IL1RAPL1: variants seen among roughly 807,000 people sequenced by gnomAD.
The protein encoded by IL1RAPL1 is interleukin 1 receptor accessory protein like 1.
In IL1RAPL1, 3 loss-of-function variants were observed where a neutral mutation model predicts 48.4. The observed-to-expected ratio is 0.06, with a 90% CI of 0.03 to 0.16. IL1RAPL1 has a LOEUF of 0.16. IL1RAPL1 is among the 10% of genes least tolerant of loss of function. IL1RAPL1 has a pLI of 1.00. For missense variants in IL1RAPL1, 349 were observed against 530.6 expected, an observed-to-expected ratio of 0.66 and a Z score of 3.36; for synonymous variants, 185 against 187.7, an observed-to-expected ratio of 0.99 and a Z score of 0.12.
At chrX:29,521,679 G>A (rs1935504650) in intron 5 of IL1RAPL1, among the ~76,000 whole-genome samples, 1 of 111,227 alleles carries the variant, frequency 9.0e-6, no homozygotes, top group African/African-American at 3.3e-5. Flanking sequence ...CGGTAATCCT[G>A]GCTCTTAGTG....
rs774342713 is a variant in IL1RAPL1, at chrX:29,174,582, C to T, written c.83-108356C>T. Among the ~76,000 whole-genome samples, 4 of 111,182 alleles carry T rather than the reference C, an allele frequency of 3.6e-5. No homozygotes were observed. The South Asian group carries it at 1.1e-3, about 32-fold the overall frequency. On this transcript the variant is annotated intron_variant, in intron 2 of 10. Coordinates refer to ENST00000378993, the MANE Select transcript of IL1RAPL1 (RefSeq NM_014271.4). The stretch of plus-strand genomic sequence containing the variant: ...AATAGTTTTATGTAATATTTGTTAT[C>T]GCATAAAACACAGAAAATTCAGAAG...
chrX:28,754,665 T>A (rs1936086923), intron 1 of IL1RAPL1, among the ~76,000 whole-genome samples: 1 of 112,285 alleles, frequency 8.9e-6, no homozygotes, highest in African/African-American at 3.2e-5. Context: ...TCAAATTCTA[T>A]ATTCTTACCA....
chrX:29,417,229 C>T (rs1226166808), intron 5 of IL1RAPL1, among the ~76,000 whole-genome samples: 1 of 111,592 alleles, frequency 9.0e-6, no homozygotes, highest in African/African-American at 3.3e-5. Flanking sequence ...TATTTTGTAA[C>T]ATATATTTAG....
At chrX:29,885,277 A>G (rs1932127371) in intron 6 of IL1RAPL1, among the ~76,000 whole-genome samples, 1 of 111,785 alleles carries the variant, frequency 8.9e-6, no homozygotes, top group Non-Finnish European at 1.9e-5. Flanking sequence ...AAAATTGCAA[A>G]CCTATTCTAC....
intron 5 of IL1RAPL1, among the ~76,000 whole-genome samples, chrX:29,418,123 ATATT>A (rs1206353155): frequency 7.8e-4 from 23 of 29,473 alleles, no homozygotes; most frequent in African/African-American, 3.8e-3. Context: ...ATATATATAT[ATATT>A]TTTTTTTTTT....
In IL1RAPL1 at chrX:29,301,281, T is replaced by C. The variant is rs532845528; in HGVS notation, c.362+18064T>C. Among the ~76,000 whole-genome samples the C allele has an allele frequency of 1.6e-4, 18 of 111,928 alleles. No individual in the cohort carries two copies. The South Asian group carries it at 5.6e-3, about 35-fold the overall frequency. On this transcript the variant is annotated intron_variant, in intron 3 of 10. Coordinates refer to ENST00000378993, the MANE Select transcript of IL1RAPL1 (RefSeq NM_014271.4). ...TTAAAAGAACTATAGTTTTTATTGG[T>C]GCCTTTACATGACAAAAGACTCAAT...
chrX:28,728,671 A>G (rs759490663), intron 1 of IL1RAPL1, among the ~76,000 whole-genome samples: 38 of 111,961 alleles, frequency 3.4e-4, no homozygotes, highest in Admixed American at 3.2e-3. Context: ...ACATAAACAC[A>G]GCATCTTTAC....
At chrX:29,954,998 T>G in intron 10 of IL1RAPL1, 104 bp from the exon 11 acceptor site, 1 of 691,910 alleles carries the variant, frequency 1.4e-6, no homozygotes, top group Non-Finnish European at 2.4e-6. Context: ...CCAAACTCTA[T>G]TCAGTGAACT....
intron 6 of IL1RAPL1, among the ~76,000 whole-genome samples, chrX:29,915,812 A>C (rs1199208316): frequency 4.6e-5 from 4 of 86,895 alleles, no homozygotes; most frequent in East Asian, 3.6e-4. Context: ...GGTTAGTTAC[A>C]TATGTATACA....
intron 2 of IL1RAPL1, among the ~76,000 whole-genome samples, chrX:28,963,310 A>G (rs775801201): frequency 2.7e-5 from 3 of 111,298 alleles, no homozygotes; most frequent in Non-Finnish European, 5.7e-5. Context: ...TGGCCAGAAT[A>G]TGTTCATTTT....
chrX:29,550,260 C>T (rs993990287), intron 5 of IL1RAPL1, among the ~76,000 whole-genome samples: 1 of 110,616 alleles, frequency 9.0e-6, no homozygotes, highest in Admixed American at 9.6e-5. Flanking sequence ...GGCGGGATCT[C>T]GGCTCACTGC....
rs1039998834 is a variant in IL1RAPL1 at position 28,865,377 on chromosome X, C to T, written c.82+75952C>T. On this transcript the variant is annotated intron_variant, in intron 2 of 10. Transcript: ENST00000378993. ...TCACTTGAACCTGGGAGGCAGAGGTCACAGTGAGCCGAGATCATGCCACGG... is the reference window on the plus strand; with the variant it reads ...TCACTTGAACCTGGGAGGCAGAGGTTACAGTGAGCCGAGATCATGCCACGG... Among the ~76,000 whole-genome samples, 4 of 107,509 alleles carry T rather than the reference C, an allele frequency of 3.7e-5. No individual in the cohort carries two copies. In the South Asian group the frequency reaches 1.2e-3, roughly 33 times the overall value. 93.4% of individuals were successfully genotyped at this position (107,509 alleles called of 115,157 possible). A position where few individuals can be genotyped will look rare whatever the true frequency, so the allele number is the denominator to read the frequency against.
intron 1 of IL1RAPL1, among the ~76,000 whole-genome samples, chrX:28,692,612 A>T (rs1256358924): frequency 8.9e-6 from 1 of 111,920 alleles, no homozygotes; most frequent in Non-Finnish European, 1.9e-5. Flanking sequence ...ATTATTAAGT[A>T]ATTATAGATT....
chrX:29,794,766 T>TA (rs1929707544), intron 6 of IL1RAPL1, among the ~76,000 whole-genome samples: 1 of 112,070 alleles, frequency 8.9e-6, no homozygotes, highest in Admixed American at 9.5e-5. Flanking sequence ...CTAGTGTACT[T>TA]ACCTGATGGT....
intron 1 of IL1RAPL1, among the ~76,000 whole-genome samples, chrX:28,699,339 C>T (rs747087877): frequency 6.2e-5 from 7 of 112,017 alleles, no homozygotes; most frequent in Admixed American, 1.9e-4. Flanking sequence ...AGAAAGTGTT[C>T]AATAGGTGTG....
intron 2 of IL1RAPL1, among the ~76,000 whole-genome samples, chrX:29,084,001 C>A (rs1927899080): frequency 9.0e-6 from 1 of 111,181 alleles, no homozygotes; most frequent in Non-Finnish European, 1.9e-5. Flanking sequence ...GCATGAAAAG[C>A]CACCAAAGGG....
chrX:29,203,813 A>C (rs1257778076), intron 2 of IL1RAPL1, among the ~76,000 whole-genome samples: 1 of 101,974 alleles, frequency 9.8e-6, no homozygotes, highest in Non-Finnish European at 2.0e-5. Flanking sequence ...TTATTTTTTA[A>C]CTGTATTTTT....
intron 1 of IL1RAPL1, among the ~76,000 whole-genome samples, chrX:28,746,212 C>A (rs1351577412): frequency 1.8e-5 from 2 of 111,050 alleles, no homozygotes; most frequent in Non-Finnish European, 3.8e-5. Context: ...ATGGATGAAG[C>A]TGGAAACCAT....
At chrX:29,309,004 C>T (rs1233499194) in intron 3 of IL1RAPL1, among the ~76,000 whole-genome samples, 3 of 112,349 alleles carry the variant, frequency 2.7e-5, no homozygotes, top group African/African-American at 9.7e-5. Flanking sequence ...GCAAATAGCT[C>T]AGTTATTACT....
Sources: allele counts gnomAD v4.1 joint callset (sites outside exome capture counted in the v4.1 genomes callset), GRCh38; gene constraint gnomAD v4.1.1; transcripts MANE v1.5; gene names NCBI Gene and HGNC (gene_info 2026-07-23, HGNC 2026-07-21).